The following SYMPK variants were observed in gnomAD, a reference collection of about 807,000 sequenced individuals.
SYMPK encodes the protein symplekin scaffold protein, also known as symplekin.
SYMPK carries 49 observed loss-of-function variants against 136.4 expected under a neutral mutation model. The observed-to-expected ratio is 0.36, with a 90% confidence interval of 0.29 to 0.46. SYMPK has a LOEUF of 0.46. Ranked by LOEUF, SYMPK falls within the 20% of genes least tolerant of loss-of-function variation. The probability of loss-of-function intolerance (pLI) is 1.00; values close to 1 mark genes in which losing one functional copy is unlikely to be tolerated. For missense variants in SYMPK, 1,365 were observed against 1,690.0 expected (o/e 0.81, Z 3.37); for synonymous variants, 766 against 713.0 (o/e 1.07, Z -1.19).
Position 45,831,289 on chromosome 19 carries a change from ACACACG to A in SYMPK, c.1598+89_1598+94del, listed in dbSNP as rs779915114. On this transcript the variant is annotated intron_variant, in intron 12 of 26. Coordinates refer to ENST00000245934, the MANE Select transcript of SYMPK (RefSeq NM_004819.3). ...TTCTGTCTGCATCTCAGTTACACAC[ACACACG>A]CACACGCACACGCACACGCACACGA... is the stretch of plus-strand genomic sequence containing the variant. The A allele has an allele frequency of 8.1e-4, 798 of 984,118 alleles. 2 individuals carry two copies. The highest frequency in any genetic ancestry group is 1.6e-3 in the East Asian group (58 of 35,990). 61.0% of individuals were successfully genotyped at this position (984,118 alleles called of 1,614,324 possible). A position where few individuals can be genotyped will look rare whatever the true frequency, so the allele number is the denominator to read the frequency against.
chr19:45,838,944 T>C (rs1971371178), intron 9 of SYMPK, among the ~76,000 whole-genome samples: 1 of 152,236 alleles, frequency 6.6e-6, no homozygotes, highest in Non-Finnish European at 1.5e-5. Flanking sequence ...TGCAGTACAA[T>C]GGCATGATTT....
At chr19:45,847,252 A>C (rs767713646) in intron 7 of SYMPK, among the ~76,000 whole-genome samples, 56 of 152,010 alleles carry the variant, frequency 3.7e-4, no homozygotes, top group Non-Finnish European at 6.0e-4. Context: ...CCCTGCTTCT[A>C]CTAAAAATAA....
Position 45,847,869 on chromosome 19 carries a change from C to T in SYMPK, c.559G>A (p.Val187Met). 6.2e-7 allele frequency: 1 copy of T among 1,614,040 alleles called. No individual in the cohort carries two copies. Among genetic ancestry groups the T allele is most frequent in the Non-Finnish European group, 8.5e-7 (1 of 1,180,000 alleles). The change falls in exon 7 of 27, where the codon GTG (valine) becomes ATG (methionine). Residue 187 changes from valine (V) to methionine (M), a missense_variant. By Grantham distance (21) the Val-to-Met change is conservative. Around this residue, in one of 11 missense-constraint regions of SYMPK, gnomAD observed 237 missense variants for 292.9 expected, o/e 0.81. Coordinates refer to ENST00000245934, the MANE Select transcript of SYMPK (RefSeq NM_004819.3). The stretch of plus-strand genomic sequence containing the variant: ...GACAGGGTGACAATGAGGCCCTCCA[C>T]AAACTTGATGGCGTGGGTGCGGATG... ...DGIRTHAIKF[V>M]EGLIVTLSPR...
intron 21 of SYMPK, among the ~76,000 whole-genome samples, chr19:45,822,150 ACT>A (rs34765680): frequency 0.13 from 16,225 of 124,606 alleles, 1,253 homozygotes; most frequent in East Asian, 0.36. Flanking sequence ...ATGGAGTCTC[ACT>A]CTGTCATCCA....
rs771455140 is a variant in SYMPK, at chr19:45,854,158, G to A, written c.171+17C>T. ...CCCTTTCACCTGCTCAGCCCAGGAT[G>A]CCCCCCGGGCCCTCACCTGTTTGAG... On this transcript the variant is annotated intron_variant, in intron 3 of 26. Coordinates refer to ENST00000245934, the MANE Select transcript of SYMPK (RefSeq NM_004819.3). 11 of 1,613,482 alleles carry A rather than the reference G, an allele frequency of 6.8e-6. No homozygotes were observed. Among genetic ancestry groups the A allele is most frequent in the African/African-American group, 6.7e-5 (5 of 74,886 alleles).
In SYMPK at chr19:45,823,894, ATGACCAGACCCAGGGT is replaced by A; in HGVS notation, c.2491-35_2491-20del. On this transcript the variant is annotated intron_variant, in intron 18 of 26. Transcript: ENST00000245934. ...CTCGGATCTAGAGGCAGAGACAGGGATGACCAGACCCAGGGTGAGAGCTTAGGGGAGGGTCAGGTGT... is the reference window on the plus strand; with the variant it reads ...CTCGGATCTAGAGGCAGAGACAGGGAGAGAGCTTAGGGGAGGGTCAGGTGT... 1 of 1,607,110 alleles carries A rather than the reference ATGACCAGACCCAGGGT, an allele frequency of 6.2e-7. No individual in the cohort carries two copies. The highest frequency in any genetic ancestry group is 8.5e-7 in the Non-Finnish European group (1 of 1,174,660).
rs1393865182 is a variant in SYMPK, at chr19:45,829,069, G to A, written c.1886C>T (p.Ala629Val). 1.9e-6 allele frequency: 3 copies of A among 1,614,202 alleles called. No individual in the cohort carries two copies. The highest frequency in any genetic ancestry group is 2.2e-5 in the South Asian group (2 of 91,084). The part of the protein sequence containing the change: ...AFAWLYQEYN[A>V]YLAAGASGSL... ...GCCCGAGGCACCTGCGGCCAGGTAG[G>A]CGTTGTACTCCTGGTAGAGCCAGGC... Residue 629 changes from alanine (A) to valine (V), a missense_variant, in exon 14 of 27, where the codon GCC becomes GTC. Physicochemically the swap from Ala to Val is moderately conservative, Grantham distance 64 (BLOSUM62 0). Around this residue, in one of 11 missense-constraint regions of SYMPK, gnomAD observed 303 missense variants for 326.6 expected, o/e 0.93. Transcript: ENST00000245934.
In SYMPK at chr19:45,844,148, C is replaced by A; in HGVS notation, c.729G>T (p.Met243Ile). The change falls in exon 8 of 27, where the codon ATG becomes ATT. Residue 243 changes from methionine to isoleucine, a missense_variant. Transcript: ENST00000245934. ...TGATGGAGGAGATGGCAGGGTGCAC[C>A]ATGAACTTAAGCAGCTGCTCCAAGG... ...KAALEQLLKF[M>I]VHPAISSINL... 6.2e-7 allele frequency: 1 copy of A among 1,612,040 alleles called. No individual in the cohort carries two copies. The highest frequency in any genetic ancestry group is 8.5e-7 in the Non-Finnish European group (1 of 1,179,186).
chr19:45,815,697 C>T lies in SYMPK; in HGVS notation c.3688G>A (p.Glu1230Lys). ...DSSLEGPLPK[E>K]TAAGGLTLKE... Reference sequence around the variant, plus strand: ...AAGGTCAGCCCGCCCGCTGCCGTCTCCTGGTGACCGGGGAAGGAAAGGGCA... The same window carrying T: ...AAGGTCAGCCCGCCCGCTGCCGTCTTCTGGTGACCGGGGAAGGAAAGGGCA... The change falls in exon 27 of 27, where the codon GAG becomes AAG. Residue 1230 changes from glutamate (E) to lysine (K), a missense_variant and splice_region_variant. Physicochemically the swap from Glu to Lys is moderately conservative, Grantham distance 56. This residue lies in a region of SYMPK where 341 missense variants were observed against 270.5 expected (regional missense o/e 1.26). Transcript: ENST00000245934. 1 of 1,609,868 alleles carries T rather than the reference C, an allele frequency of 6.2e-7. No homozygotes were observed. The highest frequency in any genetic ancestry group is 8.5e-7 in the Non-Finnish European group (1 of 1,178,736).
At chr19:45,825,443 C>G (rs1971019171) in intron 17 of SYMPK, 112 bp from the exon 18 acceptor site, 2 of 1,347,978 alleles carry the variant, frequency 1.5e-6, no homozygotes, top group East Asian at 5.1e-5. Context: ...GAGAAGGGAG[C>G]CGGGGCTGGG....
Position 45,830,162 on chromosome 19 carries a change from G to A in SYMPK, c.1641C>T (p.Ser547=), listed in dbSNP as rs35532874. 1,084 of 1,608,458 alleles carry A rather than the reference G, an allele frequency of 6.7e-4. 1 individual carries two copies. Among genetic ancestry groups the A allele is most frequent in the African/African-American group, 9.2e-4 (69 of 74,924 alleles). ...CATCGGTAAGGGGCTTCAGCACGTC[G>A]CTGAGACGGAAAATTTTCTTGCGCC... ...AGGRKKIFRL[S]DVLKPLTDAQ... Residue 547 remains serine (S), a synonymous_variant, in exon 13 of 27, where the codon AGC becomes AGT. Transcript: ENST00000245934.
intron 3 of SYMPK, among the ~76,000 whole-genome samples, chr19:45,853,841 C>A (rs1189525417): frequency 6.6e-6 from 1 of 152,136 alleles, no homozygotes; most frequent in Non-Finnish European, 1.5e-5. Context: ...CTGGACTGGA[C>A]ACTGGCAGAG....
At chr19:45,859,019 C>A (rs1418637876) in intron 1 of SYMPK, among the ~76,000 whole-genome samples, 1 of 152,154 alleles carries the variant, frequency 6.6e-6, no homozygotes, top group African/African-American at 2.4e-5. Context: ...GCAATCCACC[C>A]TCCTTGGCCT....
chr19:45,828,141 T>C (rs1035163143), intron 14 of SYMPK: 85 of 518,532 alleles, frequency 1.6e-4, no homozygotes, highest in Non-Finnish European at 2.7e-4. Context: ...TTTCTTCCGT[T>C]TGTCAAACAG....
At chr19:45,857,818 GA>G (rs1971869807) in intron 1 of SYMPK, among the ~76,000 whole-genome samples, 1 of 122,196 alleles carries the variant, frequency 8.2e-6, no homozygotes, top group Admixed American at 8.9e-5. Flanking sequence ...TTTTTTTTTA[GA>G]TGGAATTTCA....
chr19:45,815,987 G>A lies in SYMPK; in HGVS notation c.3551C>T (p.Pro1184Leu), dbSNP rs143595032. Residue 1184 changes from proline to leucine, a missense_variant, in exon 26 of 27, where the codon CCG becomes CTG. Pro to Leu is a moderately conservative substitution (Grantham distance 98). Around this residue, in one of 11 missense-constraint regions of SYMPK, gnomAD observed 341 missense variants for 270.5 expected, o/e 1.26. Coordinates refer to ENST00000245934, the MANE Select transcript of SYMPK (RefSeq NM_004819.3). ...PSPSARPGPP[P>L]SEEAMDFREE... Reference sequence around the variant, plus strand: ...CCGGAAATCCATGGCTTCCTCAGACGGGGGCGGGCCTGGCCGGGCCGACGG... The same window carrying A: ...CCGGAAATCCATGGCTTCCTCAGACAGGGGCGGGCCTGGCCGGGCCGACGG... The A allele has an allele frequency of 1.2e-3, 1,895 of 1,607,726 alleles. 3 individuals carry two copies. The highest frequency in any genetic ancestry group is 1.5e-3 in the Non-Finnish European group (1,755 of 1,177,792).
At chr19:45,852,925 C>T (rs1359595987) in intron 3 of SYMPK, among the ~76,000 whole-genome samples, 3 of 152,214 alleles carry the variant, frequency 2.0e-5, no homozygotes, top group Admixed American at 6.5e-5. Flanking sequence ...CCCCACTCTC[C>T]TTCTGCTTCT....
Position 45,816,021 on chromosome 19 carries a change from A to G in SYMPK, c.3517T>C (p.Ser1173Pro). 1 of 1,591,794 alleles carries G rather than the reference A, an allele frequency of 6.3e-7. No individual in the cohort carries two copies. Among genetic ancestry groups the G allele is most frequent in the Non-Finnish European group, 8.6e-7 (1 of 1,169,354 alleles). ...CCTGGCCGGGCCGACGGAGAGGGAG[A>G]GGGGGAGGAAGAGGAGGGGGCTCCC... ...GVGAPSSSSPSPSPSARPGPP... is the reference protein window; with the variant it reads ...GVGAPSSSSPPPSPSARPGPP... The change falls in exon 26 of 27, where the codon TCT becomes CCT. Residue 1173 changes from serine to proline, a missense_variant. Coordinates refer to ENST00000245934, the MANE Select transcript of SYMPK (RefSeq NM_004819.3).
Position 45,831,590 on chromosome 19 carries a change from TG to T in SYMPK, c.1394-3del. 6.3e-7 allele frequency: 1 copy of T among 1,584,798 alleles called. No individual in the cohort carries two copies. ...TGCACTGTTTGGTCTGCTCTACACC[TG>T]AGGGGGAGGCAGCAAACAGACACCC... On this transcript the variant is annotated splice_region_variant and splice_polypyrimidine_tract_variant and intron_variant, in intron 11 of 26. Transcript: ENST00000245934.
Sources: allele counts gnomAD v4.1 joint callset (sites outside exome capture counted in the v4.1 genomes callset), GRCh38; gene constraint gnomAD v4.1.1; regional missense constraint gnomAD v4.1.1; transcripts MANE v1.5; gene names NCBI Gene and HGNC (gene_info 2026-07-23, HGNC 2026-07-21).